CTNNBL1: variants seen among roughly 807,000 people sequenced by gnomAD.
CTNNBL1 encodes catenin beta like 1.
CTNNBL1 carries 31 observed loss-of-function variants against 72.7 expected under a neutral mutation model. That is an observed-to-expected ratio of 0.43 (90% CI 0.32 to 0.58). The LOEUF (loss-of-function observed/expected upper bound fraction) is 0.58. Ranked by LOEUF, CTNNBL1 falls within the 20% of genes least tolerant of loss-of-function variation. CTNNBL1 has a pLI of 0.08. For missense variants in CTNNBL1, 534 were observed against 725.1 expected (o/e 0.74, Z 3.03); for synonymous variants, 240 against 267.3 (o/e 0.90, Z 1.00).
chr20:37,801,152 G>A (rs986386195), intron 10 of CTNNBL1, among the ~76,000 whole-genome samples: 3 of 152,128 alleles, frequency 2.0e-5, no homozygotes, highest in African/African-American at 7.2e-5. Context: ...TCATGTGAGA[G>A]TTATCCAGTA....
intron 9 of CTNNBL1, among the ~76,000 whole-genome samples, chr20:37,778,974 A>G (rs1600482430): frequency 6.6e-6 from 1 of 151,528 alleles, no homozygotes; most frequent in Non-Finnish European, 1.5e-5. Context: ...CCCAGTGGTC[A>G]GTAGAGTGTT....
At chr20:37,831,249 C>T (rs2072206750) in intron 11 of CTNNBL1, among the ~76,000 whole-genome samples, 2 of 152,350 alleles carry the variant, frequency 1.3e-5, no homozygotes, top group South Asian at 2.1e-4. Context: ...CTCAGGCCCT[C>T]CTCTTTCCTA....
At chr20:37,843,690 C>G (rs1045714423) in intron 13 of CTNNBL1, among the ~76,000 whole-genome samples, 6 of 152,200 alleles carry the variant, frequency 3.9e-5, no homozygotes, top group African/African-American at 1.4e-4. Flanking sequence ...GGTTGTTTAA[C>G]TTAACCTGAG....
chr20:37,720,514 T>TA (rs986095364), intron 1 of CTNNBL1, among the ~76,000 whole-genome samples: 16 of 151,810 alleles, frequency 1.1e-4, no homozygotes, highest in Admixed American at 2.0e-4. Context: ...TTTTTTAAAC[T>TA]AAAAAAAAGG....
chr20:37,855,125 C>T (rs1178638853), intron 13 of CTNNBL1, among the ~76,000 whole-genome samples: 1 of 137,502 alleles, frequency 7.3e-6, no homozygotes, highest in Non-Finnish European at 1.6e-5. Context: ...AAAAAAAAAG[C>T]CTCCCCTTAC....
At chr20:37,835,759 T>C (rs2072248200) in intron 11 of CTNNBL1, among the ~76,000 whole-genome samples, 1 of 152,174 alleles carries the variant, frequency 6.6e-6, no homozygotes, top group Non-Finnish European at 1.5e-5. Flanking sequence ...CTACCTAAAA[T>C]ACCCATGAAT....
At chr20:37,800,808 C>T (rs1469909612) in intron 10 of CTNNBL1, among the ~76,000 whole-genome samples, 1 of 152,210 alleles carries the variant, frequency 6.6e-6, no homozygotes, top group African/African-American at 2.4e-5. Flanking sequence ...GCTAGGAACA[C>T]TCTGCTCCTT....
intron 13 of CTNNBL1, among the ~76,000 whole-genome samples, chr20:37,842,910 T>TG (rs1439332476): frequency 6.6e-6 from 1 of 152,228 alleles, no homozygotes; most frequent in African/African-American, 2.4e-5. Context: ...TCAGATGCAT[T>TG]GCAGCCAAGC....
chr20:37,765,115 G>A, intron 5 of CTNNBL1, 82 bp from the exon 6 acceptor site: 1 of 877,098 alleles, frequency 1.1e-6, no homozygotes, highest in South Asian at 1.4e-5. Context: ...TTCAAATAGT[G>A]GAGAAGTAAG....
At chr20:37,791,714 C>T (rs2073727505) in intron 10 of CTNNBL1, among the ~76,000 whole-genome samples, 1 of 152,202 alleles carries the variant, frequency 6.6e-6, no homozygotes, top group African/African-American at 2.4e-5. Context: ...GCATTAGATT[C>T]TCATAGGAGT....
rs1158397703 is a variant in CTNNBL1, at chr20:37,777,383, T to C, written c.789T>C (p.Ser263=). ...TTGATGCCAACAAACTGTATTGCAG[T>C]GAAGTGCTGGCCATATTGCTCCAGG... The part of the protein sequence containing the change: ...MPFDANKLYC[S]EVLAILLQDN... The change falls in exon 8 of 16, where the codon AGT becomes AGC. Residue 263 remains serine, a synonymous_variant. Coordinates refer to ENST00000361383, the MANE Select transcript of CTNNBL1 (RefSeq NM_030877.5). 1 of 1,613,798 alleles carries C rather than the reference T, an allele frequency of 6.2e-7. No individual in the cohort carries two copies. The highest frequency in any genetic ancestry group is 1.3e-5 in the African/African-American group (1 of 74,902).
chr20:37,719,302 A>T (rs1358510064), intron 1 of CTNNBL1, among the ~76,000 whole-genome samples: 1 of 152,102 alleles, frequency 6.6e-6, no homozygotes, highest in Non-Finnish European at 1.5e-5. Context: ...ATTCCTGGTG[A>T]TTTCATTGGT....
At chr20:37,865,525 T>G (rs913684127) in intron 15 of CTNNBL1, among the ~76,000 whole-genome samples, 2 of 152,196 alleles carry the variant, frequency 1.3e-5, no homozygotes, top group African/African-American at 4.8e-5. Context: ...CCCCAGCCCC[T>G]GGCAGCCACT....
chr20:37,805,938 G>T (rs1330490621), intron 11 of CTNNBL1, among the ~76,000 whole-genome samples: 1 of 152,182 alleles, frequency 6.6e-6, no homozygotes, highest in African/African-American at 2.4e-5. Flanking sequence ...TCCCTGAAAG[G>T]CTCATTGAGG....
intron 11 of CTNNBL1, among the ~76,000 whole-genome samples, chr20:37,818,307 T>C (rs2072077069): frequency 6.6e-6 from 1 of 152,164 alleles, no homozygotes; most frequent in African/African-American, 2.4e-5. Context: ...GAAGTTGTCA[T>C]TGGAAGCACT....
At chr20:37,871,386 G>C (rs374735661) in intron 15 of CTNNBL1, among the ~76,000 whole-genome samples, 1 of 152,102 alleles carries the variant, frequency 6.6e-6, no homozygotes, top group African/African-American at 2.4e-5. Flanking sequence ...GAGGCGGGGG[G>C]TCCAAGAGCA....
intron 1 of CTNNBL1, among the ~76,000 whole-genome samples, chr20:37,715,563 C>G (rs564215945): frequency 1.3e-5 from 2 of 152,256 alleles, no homozygotes; most frequent in East Asian, 1.9e-4. Context: ...CTGACTTTGC[C>G]TTTTGAGGCC....
intron 1 of CTNNBL1, among the ~76,000 whole-genome samples, chr20:37,719,343 A>G: frequency 6.6e-6 from 1 of 152,124 alleles, no homozygotes; most frequent in Non-Finnish European, 1.5e-5. Flanking sequence ...GAATTATGCC[A>G]CCTTCCTTGA....
intron 13 of CTNNBL1, among the ~76,000 whole-genome samples, chr20:37,851,610 G>A (rs2072397909): frequency 6.6e-6 from 1 of 152,176 alleles, no homozygotes; most frequent in Admixed American, 6.5e-5. Flanking sequence ...ATTTGCATGG[G>A]TTTCTGTCCT....
Sources: allele counts gnomAD v4.1 joint callset (sites outside exome capture counted in the v4.1 genomes callset), GRCh38; gene constraint gnomAD v4.1.1; transcripts MANE v1.5; gene names NCBI Gene and HGNC (gene_info 2026-07-23, HGNC 2026-07-21).